Variants in PDE4D observed in about 807,000 individuals in gnomAD.
PDE4D encodes the protein 3',5'-cyclic-AMP phosphodiesterase 4D.
A neutral mutation model predicts 87.4 loss-of-function variants in PDE4D; 24 were observed. The ratio of observed to expected loss-of-function variants is 0.27; its 90% CI spans 0.20 to 0.39. The LOEUF is 0.39. PDE4D is among the 10% of genes least tolerant of loss of function. The pLI is 1.00. For missense variants in PDE4D, 714 were observed against 1,041.0 expected (o/e 0.69, Z 4.32); for synonymous variants, 384 against 383.2 (o/e 1.00, Z -0.02).
At chr5:60,016,148 T>C (rs575647784) in intron 2 of PDE4D, among the ~76,000 whole-genome samples, 1 of 152,122 alleles carries the variant, frequency 6.6e-6, no homozygotes, top group African/African-American at 2.4e-5. Flanking sequence ...ATAAAGCAAA[T>C]ATTGTAATAC....
intron 1 of PDE4D, among the ~76,000 whole-genome samples, chr5:59,665,867 C>T (rs547432185): frequency 6.6e-6 from 1 of 152,322 alleles, no homozygotes; most frequent in South Asian, 2.1e-4. Flanking sequence ...AGAAACCTGG[C>T]CCTCACCAGA....
intron 1 of PDE4D, among the ~76,000 whole-genome samples, chr5:59,694,307 C>T (rs1178888094): frequency 1.3e-5 from 2 of 152,132 alleles, no homozygotes; most frequent in Non-Finnish European, 2.9e-5. Flanking sequence ...CCAGGTTGGC[C>T]GTCTTCGCTG....
At chr5:60,167,761 G>T (rs375434301) in intron 2 of PDE4D, among the ~76,000 whole-genome samples, 1 of 151,988 alleles carries the variant, frequency 6.6e-6, no homozygotes, top group East Asian at 1.9e-4. Flanking sequence ...CATTCACTGA[G>T]CTTTCTCAAA....
chr5:59,225,619 T>C (rs1280233525), intron 1 of PDE4D, among the ~76,000 whole-genome samples: 1 of 151,992 alleles, frequency 6.6e-6, no homozygotes, highest in Non-Finnish European at 1.5e-5. Flanking sequence ...CATCAAAGCA[T>C]AAGCAAAAAA....
chr5:59,406,251 G>C (rs1459278687), intron 1 of PDE4D, among the ~76,000 whole-genome samples: 1 of 152,074 alleles, frequency 6.6e-6, no homozygotes, highest in African/African-American at 2.4e-5. Context: ...TTAAATCTTG[G>C]TAGGTTGTAT....
chr5:59,520,268 A>G (rs773470724), intron 1 of PDE4D, among the ~76,000 whole-genome samples: 55 of 152,170 alleles, frequency 3.6e-4, no homozygotes, highest in Non-Finnish European at 5.1e-4. Context: ...ATCAAAACAA[A>G]CAAACAAACA....
At chr5:60,296,202 C>A (rs1019876804) in intron 1 of PDE4D, among the ~76,000 whole-genome samples, 2 of 152,140 alleles carry the variant, frequency 1.3e-5, no homozygotes, top group Non-Finnish European at 2.9e-5. Flanking sequence ...GAGGTTCTGA[C>A]CCATTCTTCT....
At chr5:59,133,699 G>C (rs1337800107) in intron 5 of PDE4D, among the ~76,000 whole-genome samples, 1 of 152,098 alleles carries the variant, frequency 6.6e-6, no homozygotes, top group Non-Finnish European at 1.5e-5. Context: ...GTAAAGCAGC[G>C]GTTATCACTG....
intron 1 of PDE4D, among the ~76,000 whole-genome samples, chr5:59,536,310 C>T (rs906609986): frequency 2.6e-5 from 4 of 151,770 alleles, no homozygotes; most frequent in Non-Finnish European, 5.9e-5. Context: ...TTGAGACCAT[C>T]CTGGCTAACA....
intron 2 of PDE4D, among the ~76,000 whole-genome samples, chr5:60,059,307 A>T (rs1724403128): frequency 6.6e-6 from 1 of 151,964 alleles, no homozygotes; most frequent in Admixed American, 6.6e-5. Context: ...TCTCAGAATG[A>T]CCATGTAACC....
chr5:59,323,257 T>C (rs1188224747), intron 1 of PDE4D, among the ~76,000 whole-genome samples: 1 of 152,130 alleles, frequency 6.6e-6, no homozygotes, highest in Non-Finnish European at 1.5e-5. Context: ...CACTAATTCT[T>C]TCTGAGAGAG....
chr5:60,215,383 T>C (rs1282037842), intron 1 of PDE4D, among the ~76,000 whole-genome samples: 1 of 152,134 alleles, frequency 6.6e-6, no homozygotes, highest in Non-Finnish European at 1.5e-5. Context: ...ATGCTACTTA[T>C]GAGGATTTTT....
rs565243702 is a variant in PDE4D at position 59,648,945 on chromosome 5, C to T, written c.455+244223G>A. ...TGTCTTACGAGTTGATGTTCTCTCC[C>T]GAAAAGGCAATTTTAAGCATTGAGA... On this transcript the variant is annotated intron_variant, in intron 1 of 14. Coordinates refer to ENST00000340635, the MANE Select transcript of PDE4D (RefSeq NM_001104631.2). Among the ~76,000 whole-genome samples the T allele has an allele frequency of 4.6e-5, 7 of 152,204 alleles. No homozygotes were observed. The East Asian group carries it at 7.7e-4, about 17-fold the overall frequency.
intron 11 of PDE4D, among the ~76,000 whole-genome samples, chr5:58,983,329 G>A (rs1745670321): frequency 6.6e-6 from 1 of 152,232 alleles, no homozygotes; most frequent in Admixed American, 6.5e-5. Context: ...AGTGGCATTA[G>A]GGCCACTTCT....
intron 1 of PDE4D, among the ~76,000 whole-genome samples, chr5:60,362,832 C>T (rs1281504752): frequency 1.3e-5 from 2 of 151,534 alleles, no homozygotes; most frequent in Admixed American, 6.6e-5. Flanking sequence ...GCACTCCAGC[C>T]CCCTGGGTGA....
At chr5:60,139,808 T>C (rs1163778326) in intron 2 of PDE4D, among the ~76,000 whole-genome samples, 2 of 152,082 alleles carry the variant, frequency 1.3e-5, no homozygotes, top group African/African-American at 4.8e-5. Flanking sequence ...CTATAATTGT[T>C]ATTATGCAAG....
At chr5:59,629,291 A>G (rs1226941094) in intron 1 of PDE4D, among the ~76,000 whole-genome samples, 2 of 152,160 alleles carry the variant, frequency 1.3e-5, no homozygotes, top group African/African-American at 4.8e-5. Flanking sequence ...ATGGGACCCT[A>G]TTGGAAATAG....
At chr5:60,318,583 T>C (rs1415749139) in intron 1 of PDE4D, among the ~76,000 whole-genome samples, 1 of 152,226 alleles carries the variant, frequency 6.6e-6, no homozygotes, top group Non-Finnish European at 1.5e-5. Context: ...CTAGCCTTGA[T>C]GGTCTTTACA....
chr5:59,640,331 C>T (rs181608729), intron 1 of PDE4D, among the ~76,000 whole-genome samples: 7 of 152,236 alleles, frequency 4.6e-5, no homozygotes, highest in African/African-American at 1.2e-4. Context: ...ACTCTGGAGC[C>T]GGAGTTCTTC....
Sources: allele counts gnomAD v4.1 joint callset (sites outside exome capture counted in the v4.1 genomes callset), GRCh38; gene constraint gnomAD v4.1.1; transcripts MANE v1.5; gene names NCBI Gene and HGNC (gene_info 2026-07-23, HGNC 2026-07-21).